Variants in ACADSB observed in about 807,000 individuals in gnomAD.
ACADSB encodes the protein short/branched chain specific acyl-CoA dehydrogenase, mitochondrial.
ACADSB carries 40 observed loss-of-function variants against 54.1 expected under a neutral mutation model. That is an observed-to-expected ratio of 0.74 (90% confidence interval 0.57 to 0.96). ACADSB has a LOEUF of 0.96. ACADSB is among the 40% of genes least tolerant of loss of function. ACADSB has a pLI of 0.00. For missense variants in ACADSB, 530 were observed against 510.4 expected (o/e 1.04, Z -0.37); for synonymous variants, 182 against 182.8 (o/e 1.00, Z 0.03).
At chr10:123,012,751 G>T (rs1850053804) in intron 1 of ACADSB, among the ~76,000 whole-genome samples, 1 of 152,180 alleles carries the variant, frequency 6.6e-6, no homozygotes. Context: ...GCTCATAAAG[G>T]CAGTGTGGAC....
intron 9 of ACADSB, among the ~76,000 whole-genome samples, chr10:123,051,393 A>G (rs981150534): frequency 6.6e-6 from 1 of 152,130 alleles, no homozygotes; most frequent in African/African-American, 2.4e-5. Flanking sequence ...TGAGGTCTCA[A>G]TGTTTCGTTG....
Position 123,041,211 on chromosome 10 carries a change from A to G in ACADSB, c.513A>G (p.Val171=), listed in dbSNP as rs377326982. 6.2e-7 allele frequency: 1 copy of G among 1,614,024 alleles called. No individual in the cohort carries two copies. Among genetic ancestry groups the G allele is most frequent in the Non-Finnish European group, 8.5e-7 (1 of 1,180,012 alleles). ...ACATTTTTTTCTCCCATATGTAGGT[A>G]GGAAGTTTCTGCCTTTCAGAGGCTG... The part of the protein sequence containing the change: ...TYLPQLTTEK[V]GSFCLSEAGA... Residue 171 remains valine, a splice_region_variant and synonymous_variant, in exon 5 of 11, where the codon GTA becomes GTG. Transcript: ENST00000358776.
chr10:123,044,332 T>C (rs747446407), intron 6 of ACADSB, 61 bp from the exon 7 acceptor site: 1 of 1,417,882 alleles, frequency 7.1e-7, no homozygotes, highest in Non-Finnish European at 1.0e-6. Flanking sequence ...CTTACAAATA[T>C]ATAATCAAAA....
At chr10:123,053,038 T>C (rs1850652791) in intron 9 of ACADSB, 23 bp from the exon 10 acceptor site, 2 of 1,583,464 alleles carry the variant, frequency 1.3e-6, no homozygotes, top group Non-Finnish European at 1.7e-6. Flanking sequence ...TTTCAGTGTG[T>C]GATTTGCACT....
intron 3 of ACADSB, among the ~76,000 whole-genome samples, chr10:123,039,808 A>T (rs527692051): frequency 6.6e-6 from 1 of 152,346 alleles, no homozygotes; most frequent in South Asian, 2.1e-4. Flanking sequence ...TGCTTTAAGC[A>T]GGCAACAACA....
chr10:123,012,394 G>A (rs1850047793), intron 1 of ACADSB, among the ~76,000 whole-genome samples: 2 of 152,320 alleles, frequency 1.3e-5, no homozygotes, highest in African/African-American at 4.8e-5. Context: ...CGGAGGTTTT[G>A]AGTGGTGGGG....
In ACADSB at chr10:123,040,593, C is replaced by T. The variant is rs142580354; in HGVS notation, c.431C>T (p.Thr144Ile). The change falls in exon 4 of 11, where the codon ACA becomes ATA. Residue 144 changes from threonine to isoleucine, a missense_variant. Physicochemically the swap from Thr to Ile is moderately conservative, Grantham distance 89. Transcript: ENST00000358776. Reference protein sequence around the residue: ...SVAVFCEIQNTLINTLIRKHG... With the variant: ...SVAVFCEIQNILINTLIRKHG... ...GCTGTCTTTTGTGAGATCCAGAACA[C>T]ATTAATTAACACACTGATTAGAAAA... 87 of 1,613,952 alleles carry T rather than the reference C, an allele frequency of 5.4e-5. 2 individuals carry two copies. The highest frequency in any genetic ancestry group is 1.6e-4 in the Middle Eastern group (1 of 6,082).
chr10:123,031,189 C>T (rs1374890539), intron 1 of ACADSB, among the ~76,000 whole-genome samples: 4 of 152,154 alleles, frequency 2.6e-5, no homozygotes, highest in Non-Finnish European at 5.9e-5. Context: ...TAACTTGTTG[C>T]TTACATTCAT....
intron 1 of ACADSB, among the ~76,000 whole-genome samples, chr10:123,011,858 T>A (rs937272547): frequency 1.3e-4 from 19 of 145,784 alleles, no homozygotes; most frequent in African/African-American, 4.2e-4. Context: ...AAGAGATGAT[T>A]TTTTTTTTTT....
intron 9 of ACADSB, 44 bp downstream of exon 9, chr10:123,051,230 C>CTTT (rs3833736): frequency 0.031 from 30,701 of 979,694 alleles, 195 homozygotes; most frequent in African/African-American, 0.048. Flanking sequence ...GTAATTCAGC[C>CTTT]TTTTTTTTTT....
chr10:123,019,257 T>C (rs1850146105), intron 1 of ACADSB, among the ~76,000 whole-genome samples: 2 of 152,198 alleles, frequency 1.3e-5, no homozygotes, highest in Admixed American at 1.3e-4. Context: ...TACCAACCTA[T>C]AGTACAATAT....
chr10:123,018,223 C>A (rs971352103), intron 1 of ACADSB, among the ~76,000 whole-genome samples: 1 of 152,108 alleles, frequency 6.6e-6, no homozygotes, highest in Non-Finnish European at 1.5e-5. Context: ...TTTAAAATTT[C>A]TTTGAAAATA....
chr10:123,027,454 T>C, intron 1 of ACADSB: 1 of 439,454 alleles, frequency 2.3e-6, no homozygotes, highest in South Asian at 1.6e-5. Flanking sequence ...ATTCTTGTGA[T>C]AATGAATAAG....
chr10:123,042,935 A>G, intron 5 of ACADSB, 111 bp from the exon 6 acceptor site: 1 of 1,240,484 alleles, frequency 8.1e-7, no homozygotes, highest in South Asian at 1.3e-5. Flanking sequence ...TTCTGAGTCC[A>G]TTAGTATTTA....
Position 123,056,792 on chromosome 10 carries a change from T to C in ACADSB, c.*3027T>C, listed in dbSNP as rs1053592497. On this transcript the variant is annotated 3_prime_UTR_variant, in exon 11 of 11. Transcript: ENST00000358776. ...AAAAAACCTGACTTTTCCAGAGTAA[T>C]TTTGTTTTGCACATTCATGTTTATT... 2 of 152,466 alleles carry C rather than the reference T, an allele frequency of 1.3e-5. No individual in the cohort carries two copies. Among genetic ancestry groups the C allele is most frequent in the Non-Finnish European group, 2.9e-5 (2 of 68,036 alleles). The allele number at this position is 152,466 out of a possible 1,614,324, so 9.4% of individuals were successfully genotyped here.
At chr10:123,033,598 C>A (rs1359809363) in intron 1 of ACADSB, among the ~76,000 whole-genome samples, 1 of 152,038 alleles carries the variant, frequency 6.6e-6, no homozygotes, top group Non-Finnish European at 1.5e-5. Context: ...GTCATTACAG[C>A]GTATTGAGCT....
Position 123,040,689 on chromosome 10 carries a change from T to G in ACADSB, c.510+17T>G, listed in dbSNP as rs1402191618. On this transcript the variant is annotated intron_variant, in intron 4 of 10. Coordinates refer to ENST00000358776, the MANE Select transcript of ACADSB (RefSeq NM_001609.4). ...ACAGAAAAAGTGAGTTGAGATGAAT[T>G]GTTGATCTAATGGATCTAATCTTTA... is the stretch of plus-strand genomic sequence containing the variant. 4.4e-6 allele frequency: 7 copies of G among 1,597,686 alleles called. No homozygotes were observed. The highest frequency in any genetic ancestry group is 6.0e-6 in the Non-Finnish European group (7 of 1,165,186).
At chr10:123,045,455 C>T (rs984938717) in intron 7 of ACADSB, among the ~76,000 whole-genome samples, 2 of 151,882 alleles carry the variant, frequency 1.3e-5, no homozygotes, top group African/African-American at 2.4e-5. Context: ...GCTGGGATTA[C>T]AGGCGTGAGC....
chr10:123,032,583 C>CTTTTTTT (rs889911796), intron 1 of ACADSB, among the ~76,000 whole-genome samples: 4 of 106,912 alleles, frequency 3.7e-5, no homozygotes, highest in Non-Finnish European at 3.8e-5. Context: ...AATTTCCATT[C>CTTTTTTT]TTTTTTTTTT....
Sources: gnomAD v4.1 joint callset for allele counts (sites outside exome capture counted in the v4.1 genomes callset) on GRCh38, gnomAD v4.1.1 for gene constraint, MANE v1.5 for transcripts, NCBI Gene and HGNC (gene_info 2026-07-23, HGNC 2026-07-21) for gene names.